The following KYNU variants were observed in gnomAD, a reference collection of about 807,000 sequenced individuals.
The protein encoded by KYNU is L-kynurenine hydrolase.
KYNU carries 54 observed loss-of-function variants against 59.2 expected under a neutral mutation model. The observed-to-expected ratio is 0.91, with a 90% confidence interval of 0.73 to 1.14. KYNU has a LOEUF of 1.14. KYNU is among the 50% of genes most tolerant of loss of function. The pLI is 0.00. For synonymous variants in KYNU, 177 were observed against 192.0 expected (o/e 0.92, Z 0.65); for missense variants, 567 against 554.4 (o/e 1.02, Z -0.23).
At chr2:142,918,780 A>G (rs746438562) in intron 3 of KYNU, 51 bp downstream of exon 3, 5 of 1,560,802 alleles carry the variant, frequency 3.2e-6, no homozygotes, top group Non-Finnish European at 4.4e-6. Flanking sequence ...AAAAATTTAC[A>G]AAATCACATT....
At chr2:142,905,901 A>G (rs1390348439) in intron 2 of KYNU, among the ~76,000 whole-genome samples, 1 of 152,184 alleles carries the variant, frequency 6.6e-6, no homozygotes, top group Non-Finnish European at 1.5e-5. Flanking sequence ...TCGATTATCA[A>G]TTATAGGTTT....
chr2:142,957,787 G>C, intron 7 of KYNU, 72 bp downstream of exon 7: 1 of 984,650 alleles, frequency 1.0e-6, no homozygotes, highest in Non-Finnish European at 1.6e-6. Context: ...TTCCTCAAAA[G>C]TTTATTAAAA....
intron 7 of KYNU, 55 bp from the exon 8 acceptor site, chr2:142,960,569 A>C (rs1684307964): frequency 6.5e-7 from 1 of 1,532,078 alleles, no homozygotes; most frequent in Admixed American, 1.7e-5. Context: ...CGGCAATATG[A>C]AATTACAAAT....
At chr2:142,884,364 A>G (rs1681414026) in intron 1 of KYNU, among the ~76,000 whole-genome samples, 1 of 152,220 alleles carries the variant, frequency 6.6e-6, no homozygotes, top group Non-Finnish European at 1.5e-5. Context: ...TTCAGGTTCA[A>G]TATGTCCATA....
At chr2:142,954,742 C>T (rs1684108418) in intron 4 of KYNU, 68 bp from the exon 5 acceptor site, 1 of 982,444 alleles carries the variant, frequency 1.0e-6, no homozygotes, top group Admixed American at 1.7e-5. Context: ...TGAAGTCTTC[C>T]TACTTTGTTT....
At chr2:142,942,236 T>G (rs898531946) in intron 4 of KYNU, among the ~76,000 whole-genome samples, 1 of 152,094 alleles carries the variant, frequency 6.6e-6, no homozygotes, top group African/African-American at 2.4e-5. Context: ...ATGTGTTTTT[T>G]TGTGTGTGTT....
In KYNU at chr2:143,040,303, T is replaced by A. The variant is rs1687004145; in HGVS notation, c.1042-125T>A. Reference sequence around the variant, plus strand: ...CATGATTTTACACAAAAAGATTATGTAAAGGGAGATATTTATTGGAAAGAT... The same window carrying A: ...CATGATTTTACACAAAAAGATTATGAAAAGGGAGATATTTATTGGAAAGAT... On this transcript the variant is annotated intron_variant, in intron 12 of 13. Transcript: ENST00000264170. 8 of 701,700 alleles carry A rather than the reference T, an allele frequency of 1.1e-5. No homozygotes were observed. The South Asian group carries it at 1.3e-4, about 11-fold the overall frequency. 43.5% of individuals were successfully genotyped at this position (701,700 alleles called of 1,614,324 possible).
intron 2 of KYNU, among the ~76,000 whole-genome samples, chr2:142,906,786 G>C (rs1682311857): frequency 6.6e-6 from 1 of 152,238 alleles, no homozygotes; most frequent in Admixed American, 6.5e-5. Flanking sequence ...CTGTTGAGTA[G>C]AGACTTCTAG....
chr2:142,942,387 A>G (rs1392437348), intron 4 of KYNU, among the ~76,000 whole-genome samples: 1 of 152,344 alleles, frequency 6.6e-6, no homozygotes, highest in African/African-American at 2.4e-5. Flanking sequence ...TTGTGTTGCT[A>G]CTTTCTATCA....
intron 2 of KYNU, among the ~76,000 whole-genome samples, chr2:142,887,438 T>C (rs1681555452): frequency 6.6e-6 from 1 of 152,062 alleles, no homozygotes; most frequent in Admixed American, 6.6e-5. Flanking sequence ...GATCCAGCAA[T>C]CTCACTTCAG....
At chr2:142,927,306 G>A (rs116775003) in intron 3 of KYNU, among the ~76,000 whole-genome samples, 5 of 152,110 alleles carry the variant, frequency 3.3e-5, no homozygotes, top group African/African-American at 4.8e-5. Flanking sequence ...GGAAGTTTTA[G>A]TATAGATACT....
intron 4 of KYNU, among the ~76,000 whole-genome samples, chr2:142,949,176 G>A (rs1053535860): frequency 6.6e-6 from 1 of 152,212 alleles, no homozygotes; most frequent in African/African-American, 2.4e-5. Flanking sequence ...TGGCTTTGCA[G>A]GGTACAGCCT....
intron 2 of KYNU, among the ~76,000 whole-genome samples, chr2:142,906,538 A>G (rs975961396): frequency 6.6e-6 from 1 of 152,186 alleles, no homozygotes; most frequent in Non-Finnish European, 1.5e-5. Flanking sequence ...CCCTGGTTTC[A>G]TAGCCTAGAT....
intron 10 of KYNU, among the ~76,000 whole-genome samples, chr2:143,029,135 G>A (rs766070362): frequency 3.9e-5 from 6 of 151,934 alleles, no homozygotes; most frequent in Non-Finnish European, 8.8e-5. Context: ...TAATAGAGAT[G>A]GATAGATTTT....
intron 2 of KYNU, among the ~76,000 whole-genome samples, chr2:142,893,867 T>C (rs770942054): frequency 1.3e-4 from 20 of 152,182 alleles, no homozygotes; most frequent in Non-Finnish European, 2.1e-4. Context: ...ATTAGCCAGA[T>C]TGAGATTTTA....
chr2:142,931,605 C>A (rs1241645133), intron 4 of KYNU, among the ~76,000 whole-genome samples: 1 of 152,030 alleles, frequency 6.6e-6, no homozygotes, highest in Admixed American at 6.6e-5. Context: ...AAAAGTTCGG[C>A]CATACATGAT....
chr2:142,985,678 G>A (rs1270177320), intron 9 of KYNU, among the ~76,000 whole-genome samples: 2 of 151,778 alleles, frequency 1.3e-5, no homozygotes, highest in Non-Finnish European at 2.9e-5. Flanking sequence ...TTCAAAGCCA[G>A]ATCTCATTAA....
intron 4 of KYNU, among the ~76,000 whole-genome samples, chr2:142,942,174 AG>A (rs547030507): frequency 4.1e-5 from 6 of 147,046 alleles, no homozygotes; most frequent in East Asian, 2.0e-4. Context: ...AAAAAAAAAA[AG>A]AAAAAAAAAA....
chr2:142,947,097 T>G (rs1322837690), intron 4 of KYNU: 1 of 1,550,984 alleles, frequency 6.4e-7, no homozygotes, highest in Admixed American at 2.0e-5. Flanking sequence ...GTCCTTTTGT[T>G]GCTTTTTTCA....
Sources: gnomAD v4.1 joint callset for allele counts (sites outside exome capture counted in the v4.1 genomes callset) on GRCh38, gnomAD v4.1.1 for gene constraint, MANE v1.5 for transcripts, NCBI Gene and HGNC (gene_info 2026-07-23, HGNC 2026-07-21) for gene names.